SHISA9: variants seen among roughly 807,000 people sequenced by gnomAD.
SHISA9 encodes shisa family member 9.
A neutral mutation model predicts 38.0 loss-of-function variants in SHISA9; 13 were observed. The observed-to-expected ratio is 0.34, with a 90% CI of 0.22 to 0.54. The LOEUF is 0.54. Ranked by LOEUF, SHISA9 falls within the 20% of genes least tolerant of loss-of-function variation. The pLI is 0.91. For missense variants in SHISA9, 538 were observed against 575.8 expected, an observed-to-expected ratio of 0.93 and a Z score of 0.67; for synonymous variants, 275 against 242.0, an observed-to-expected ratio of 1.14 and a Z score of -1.27.
chr16:13,102,701 C>T (rs2073890558), intron 2 of SHISA9, among the ~76,000 whole-genome samples: 1 of 152,204 alleles, frequency 6.6e-6, no homozygotes, highest in African/African-American at 2.4e-5. Flanking sequence ...TGTTTCTCTG[C>T]CGCTATAATG....
Position 13,140,008 on chromosome 16 carries a change from C to T in SHISA9, c.692-63386C>T, listed in dbSNP as rs531354630. On this transcript the variant is annotated intron_variant, in intron 2 of 4. Transcript: ENST00000558583. The stretch of plus-strand genomic sequence containing the variant: ...GCTTTATGCTTTGGCTTTTGACCCT[C>T]GGTCATTCCTTCTTGTTTTGCGAGT... 2.4e-3 allele frequency among the ~76,000 whole-genome samples: 359 copies of T among 152,062 alleles called. 1 individual carries two copies. The highest frequency in any genetic ancestry group is 8.2e-3 in the African/African-American group (340 of 41,478).
At chr16:12,923,672 T>C (rs1410354865) in intron 2 of SHISA9, among the ~76,000 whole-genome samples, 1 of 151,834 alleles carries the variant, frequency 6.6e-6, no homozygotes. Flanking sequence ...TATAATAACA[T>C]ATTAAAAAAT....
chr16:13,364,233 G>A, the SHISA9 span, among the ~76,000 whole-genome samples: 1 of 152,174 alleles, frequency 6.6e-6, no homozygotes, highest in Non-Finnish European at 1.5e-5. Flanking sequence ...TGCCCACTAG[G>A]TCCTTACTGA....
At chr16:12,991,788 T>C (rs1208098959) in intron 2 of SHISA9, among the ~76,000 whole-genome samples, 1 of 152,156 alleles carries the variant, frequency 6.6e-6, no homozygotes, top group East Asian at 1.9e-4. Flanking sequence ...ATCCACCTTG[T>C]AGCACTCAGG....
chr16:13,192,466 C>G (rs1475153535), intron 2 of SHISA9, among the ~76,000 whole-genome samples: 1 of 151,972 alleles, frequency 6.6e-6, no homozygotes, highest in African/African-American at 2.4e-5. Flanking sequence ...AGCACAATGC[C>G]TGGAACACCA....
intron 2 of SHISA9, among the ~76,000 whole-genome samples, chr16:13,135,890 G>A (rs761393397): frequency 6.6e-6 from 1 of 152,066 alleles, no homozygotes; most frequent in African/African-American, 2.4e-5. Context: ...TGCTTCTGGG[G>A]TAGATATTCC....
the SHISA9 span, among the ~76,000 whole-genome samples, chr16:13,275,824 C>T: frequency 6.6e-6 from 1 of 151,918 alleles, no homozygotes; most frequent in Non-Finnish European, 1.5e-5. Flanking sequence ...CTCTTTCCTT[C>T]CTGATTCTGT....
chr16:13,017,084 A>C (rs1200119497), intron 2 of SHISA9, among the ~76,000 whole-genome samples: 3 of 148,884 alleles, frequency 2.0e-5, no homozygotes, highest in Non-Finnish European at 4.4e-5. Context: ...CAGTGGCCTG[A>C]TCTTGGCTCA....
chr16:13,328,488 C>T, the SHISA9 span, among the ~76,000 whole-genome samples: 2 of 150,340 alleles, frequency 1.3e-5, no homozygotes, highest in Non-Finnish European at 2.9e-5. Flanking sequence ...TCTTGGCTCA[C>T]TGCCACCTCT....
intron 2 of SHISA9, among the ~76,000 whole-genome samples, chr16:12,974,479 GTTTTTTTTTTTTTTT>G (rs58309847): frequency 4.4e-5 from 4 of 91,766 alleles, no homozygotes; most frequent in South Asian, 8.4e-4. Flanking sequence ...ATTTCTGGTG[GTTTTTTTTTTTTTTT>G]TTTTTTTTTT....
At chr16:13,158,235 G>C (rs139297578) in intron 2 of SHISA9, among the ~76,000 whole-genome samples, 2 of 152,310 alleles carry the variant, frequency 1.3e-5, no homozygotes, top group Non-Finnish European at 2.9e-5. Context: ...CCAACATTCA[G>C]ATCCCAGCTT....
the SHISA9 span, among the ~76,000 whole-genome samples, chr16:13,321,392 C>T: frequency 6.6e-6 from 1 of 152,194 alleles, no homozygotes; most frequent in African/African-American, 2.4e-5. Context: ...TCTCTTTCAT[C>T]TTCCTGCCAT....
the SHISA9 span, among the ~76,000 whole-genome samples, chr16:13,347,685 G>C: frequency 9.2e-3 from 1,396 of 152,238 alleles, 12 homozygotes; most frequent in Non-Finnish European, 0.011. Flanking sequence ...ATTGACATAA[G>C]AACACTGGGT....
At chr16:13,019,843 C>T (rs1567183918) in intron 2 of SHISA9, among the ~76,000 whole-genome samples, 118 of 65,958 alleles carry the variant, frequency 1.8e-3, no homozygotes, top group East Asian at 9.2e-3. Flanking sequence ...TTTTTCCTTC[C>T]TTCCCTCCCT....
chr16:12,902,725 C>G (rs577213102), intron 1 of SHISA9, 98 bp downstream of exon 1: 673 of 1,240,802 alleles, frequency 5.4e-4, no homozygotes, highest in African/African-American at 6.7e-4. Context: ...ACGGTCCCCG[C>G]TCCCCGCATC....
chr16:13,112,310 T>C (rs1321755311), intron 2 of SHISA9, among the ~76,000 whole-genome samples: 1 of 146,374 alleles, frequency 6.8e-6, no homozygotes, highest in Non-Finnish European at 1.5e-5. Flanking sequence ...AGGGAAAAAA[T>C]AAGAGAAAGA....
At chr16:13,424,380 T>C in the SHISA9 span, among the ~76,000 whole-genome samples, 2 of 152,268 alleles carry the variant, frequency 1.3e-5, no homozygotes, top group African/African-American at 4.8e-5. Flanking sequence ...CTTCTGGCCT[T>C]ATCATCACAT....
chr16:13,422,579 C>T, the SHISA9 span, among the ~76,000 whole-genome samples: 1 of 152,168 alleles, frequency 6.6e-6, no homozygotes, highest in African/African-American at 2.4e-5. Context: ...GCCTATAGTC[C>T]TAGCTACTTG....
At chr16:13,371,643 G>T in the SHISA9 span, among the ~76,000 whole-genome samples, 5 of 152,208 alleles carry the variant, frequency 3.3e-5, no homozygotes, top group African/African-American at 1.2e-4. Flanking sequence ...TAAGATTAGC[G>T]ATGTCCCTTC....
Sources: gnomAD v4.1 joint callset for allele counts (sites outside exome capture counted in the v4.1 genomes callset) on GRCh38, gnomAD v4.1.1 for gene constraint, MANE v1.5 for transcripts, NCBI Gene and HGNC (gene_info 2026-07-23, HGNC 2026-07-21) for gene names.